The following WWOX variants were observed in gnomAD, a reference collection of about 807,000 sequenced individuals.
The protein encoded by WWOX is WW domain containing oxidoreductase.
Under a neutral mutation model 46.2 loss-of-function variants are expected in WWOX, and 69 were observed. That is an observed-to-expected ratio of 1.49 (90% confidence interval 1.23 to 1.82). WWOX has a LOEUF of 1.82. Among genes scored for constraint, WWOX ranks in the 40% most tolerant of loss-of-function variants. The pLI is 0.00. For missense variants in WWOX, 919 were observed against 542.6 expected (o/e 1.69, Z -6.89); for synonymous variants, 359 against 202.6 (o/e 1.77, Z -6.56).
chr16:78,321,293 T>A (rs116445682), intron 5 of WWOX, among the ~76,000 whole-genome samples: 1 of 131,216 alleles, frequency 7.6e-6, no homozygotes, highest in Non-Finnish European at 1.6e-5. Flanking sequence ...TATATATACG[T>A]ATATATATAC....
intron 5 of WWOX, among the ~76,000 whole-genome samples, chr16:78,201,457 GT>G (rs1241215424): frequency 1.3e-5 from 2 of 152,178 alleles, no homozygotes; most frequent in East Asian, 1.9e-4. Flanking sequence ...AATGATAAAT[GT>G]TTGGCAAAAC....
At chr16:78,818,300 C>G (rs1340384033) in intron 8 of WWOX, among the ~76,000 whole-genome samples, 1 of 152,196 alleles carries the variant, frequency 6.6e-6, no homozygotes, top group Admixed American at 6.5e-5. Context: ...AGTTCCAGCT[C>G]CTGCCCCAGC....
chr16:78,705,784 C>A (rs1171745471), intron 8 of WWOX, among the ~76,000 whole-genome samples: 1 of 152,142 alleles, frequency 6.6e-6, no homozygotes, highest in Non-Finnish European at 1.5e-5. Context: ...TGCACACATA[C>A]ATTGAAAACA....
At chr16:78,355,496 G>T in intron 5 of WWOX, 1 of 353,150 alleles carries the variant, frequency 2.8e-6, no homozygotes. Context: ...CAGCTACTCG[G>T]GAGGCTGAGA....
At chr16:79,085,670 G>A (rs866259805) in intron 8 of WWOX, among the ~76,000 whole-genome samples, 2 of 152,072 alleles carry the variant, frequency 1.3e-5, no homozygotes, top group African/African-American at 2.4e-5. Context: ...ATAACTGTTA[G>A]TACCTAGAAA....
At chr16:79,036,220 G>C (rs917936702) in intron 8 of WWOX, among the ~76,000 whole-genome samples, 2 of 152,138 alleles carry the variant, frequency 1.3e-5, no homozygotes, top group African/African-American at 4.8e-5. Flanking sequence ...ACCCACTACA[G>C]CTTTCTCCCC....
chr16:78,919,513 C>CTT (rs1425717047), intron 8 of WWOX, among the ~76,000 whole-genome samples: 2 of 113,812 alleles, frequency 1.8e-5, no homozygotes, highest in African/African-American at 6.2e-5. Context: ...TTTCTTTTAT[C>CTT]TTTTTGTTTT....
In WWOX at chr16:78,433,604, A is replaced by G. The variant is rs539425216; in HGVS notation, c.1056+852A>G. 3.5e-3 allele frequency among the ~76,000 whole-genome samples: 536 copies of G among 152,216 alleles called. 2 individuals carry two copies. The highest frequency in any genetic ancestry group is 0.012 in the African/African-American group (517 of 41,542). On this transcript the variant is annotated intron_variant, in intron 8 of 8. Coordinates refer to ENST00000566780, the MANE Select transcript of WWOX (RefSeq NM_016373.4). Reference sequence around the variant, plus strand: ...CACATTTGCCTTTTAGCGATATCACAGGCCTTCACAGTTGGACCTAGGATA... The same window carrying G: ...CACATTTGCCTTTTAGCGATATCACGGGCCTTCACAGTTGGACCTAGGATA...
chr16:78,627,939 G>C (rs11861032), intron 8 of WWOX, among the ~76,000 whole-genome samples: 3,356 of 152,332 alleles, frequency 0.022, 117 homozygotes, highest in African/African-American at 0.076. Flanking sequence ...TTTCTGCCTT[G>C]AGTGTCACCT....
intron 4 of WWOX, among the ~76,000 whole-genome samples, chr16:78,153,757 C>T (rs774609352): frequency 3.9e-5 from 6 of 152,004 alleles, no homozygotes; most frequent in Non-Finnish European, 5.9e-5. Flanking sequence ...CTCCTTTGGG[C>T]GTCTTAATAA....
At chr16:78,815,557 A>G (rs1406989912) in intron 8 of WWOX, among the ~76,000 whole-genome samples, 1 of 152,078 alleles carries the variant, frequency 6.6e-6, no homozygotes, top group East Asian at 1.9e-4. Flanking sequence ...GACCATGATG[A>G]CCTCCTTGCC....
At chr16:78,776,451 A>G (rs932947518) in intron 8 of WWOX, among the ~76,000 whole-genome samples, 3 of 152,160 alleles carry the variant, frequency 2.0e-5, no homozygotes, top group Non-Finnish European at 4.4e-5. Context: ...TGGGGATTCC[A>G]GTGGTTATTA....
chr16:78,499,468 A>C (rs566909185), intron 8 of WWOX, among the ~76,000 whole-genome samples: 1 of 152,228 alleles, frequency 6.6e-6, no homozygotes, highest in African/African-American at 2.4e-5. Flanking sequence ...CTAAGTGGTC[A>C]GGTGGGACTC....
chr16:78,525,669 A>C (rs2043447297), intron 8 of WWOX: 1 of 152,100 alleles, frequency 6.6e-6, no homozygotes, highest in Non-Finnish European at 1.5e-5. Flanking sequence ...CACCTCTCCC[A>C]CCCAAGGACA....
intron 8 of WWOX, among the ~76,000 whole-genome samples, chr16:78,944,651 T>A (rs2045915477): frequency 6.6e-6 from 1 of 152,142 alleles, no homozygotes; most frequent in African/African-American, 2.4e-5. Flanking sequence ...ACCCATCCAA[T>A]TGCTTTTGCG....
intron 8 of WWOX, among the ~76,000 whole-genome samples, chr16:78,506,026 C>T (rs1293282960): frequency 6.6e-6 from 1 of 152,218 alleles, no homozygotes; most frequent in Non-Finnish European, 1.5e-5. Context: ...CCCTTCCCGA[C>T]CCTTGCACCC....
At chr16:78,761,575 C>T (rs2049795301) in intron 8 of WWOX, among the ~76,000 whole-genome samples, 1 of 152,042 alleles carries the variant, frequency 6.6e-6, no homozygotes, top group Non-Finnish European at 1.5e-5. Context: ...AGCTCTTGAC[C>T]TCAGGACTCT....
chr16:78,426,322 T>G (rs1208164852), intron 7 of WWOX, among the ~76,000 whole-genome samples: 1 of 152,162 alleles, frequency 6.6e-6, no homozygotes, highest in East Asian at 1.9e-4. Context: ...CCACCAGATG[T>G]GGAGGGCACC....
intron 8 of WWOX, among the ~76,000 whole-genome samples, chr16:78,818,183 C>T (rs1051564306): frequency 4.6e-5 from 7 of 152,188 alleles, no homozygotes; most frequent in Non-Finnish European, 1.5e-5. Flanking sequence ...AAGGTAGTCT[C>T]TGTGTTCAGG....
Sources: allele counts gnomAD v4.1 joint callset (sites outside exome capture counted in the v4.1 genomes callset), GRCh38; gene constraint gnomAD v4.1.1; transcripts MANE v1.5; gene names NCBI Gene and HGNC (gene_info 2026-07-23, HGNC 2026-07-21).